TAFA2: variants seen among roughly 807,000 people sequenced by gnomAD.
TAFA2 encodes the protein chemokine-like protein TAFA-2.
Under a neutral mutation model 18.8 loss-of-function variants are expected in TAFA2, and 7 were observed. The ratio of observed to expected loss-of-function variants is 0.37; its 90% CI spans 0.21 to 0.70. The LOEUF is 0.70. TAFA2 is among the 30% of genes least tolerant of loss of function. TAFA2 has a pLI of 0.53. For missense variants in TAFA2, 122 were observed against 158.1 expected (o/e 0.77, Z 1.23); for synonymous variants, 60 against 54.2 (o/e 1.11, Z -0.47).
At chr12:62,256,390 T>A (rs1051221247) in intron 1 of TAFA2, among the ~76,000 whole-genome samples, 20 of 152,202 alleles carry the variant, frequency 1.3e-4, no homozygotes, top group Admixed American at 1.2e-3. Context: ...TTGCTCTAAT[T>A]TTTTTAAATT....
chr12:62,151,647 C>G (rs2062329282), intron 1 of TAFA2, among the ~76,000 whole-genome samples: 3 of 152,128 alleles, frequency 2.0e-5, no homozygotes, highest in Admixed American at 2.0e-4. Flanking sequence ...ATTCTGATTC[C>G]AACTGTAATT....
At chr12:62,099,820 A>G (rs1026796549) in intron 1 of TAFA2, among the ~76,000 whole-genome samples, 9 of 152,282 alleles carry the variant, frequency 5.9e-5, no homozygotes, top group African/African-American at 2.2e-4. Context: ...AGCTCAGAGC[A>G]TAAGTAACTT....
chr12:61,995,905 A>G lies in TAFA2; in HGVS notation c.-1-128479T>C, dbSNP rs543577137. On this transcript the variant is annotated intron_variant, in intron 1 of 4. Coordinates refer to ENST00000416284, the MANE Select transcript of TAFA2 (RefSeq NM_178539.5). Reference sequence around the variant, plus strand: ...AAGCATTTGTATATTCTGTAAATATACAAAAATCATTCAATTGTACATTTG... The same window carrying G: ...AAGCATTTGTATATTCTGTAAATATGCAAAAATCATTCAATTGTACATTTG... Among the ~76,000 whole-genome samples the G allele has an allele frequency of 2.6e-3, 399 of 152,324 alleles. 2 individuals carry two copies. Among genetic ancestry groups the G allele is most frequent in the Non-Finnish European group, 4.6e-3 (313 of 68,030 alleles).
chr12:61,753,117 C>T (rs1201097621), intron 4 of TAFA2, among the ~76,000 whole-genome samples: 1 of 151,678 alleles, frequency 6.6e-6, no homozygotes, highest in African/African-American at 2.4e-5. Flanking sequence ...TTCCTAGTAG[C>T]CCATTACAAT....
intron 1 of TAFA2, among the ~76,000 whole-genome samples, chr12:61,986,317 C>T (rs1879817095): frequency 6.6e-6 from 1 of 151,902 alleles, no homozygotes; most frequent in African/African-American, 2.4e-5. Flanking sequence ...GCATGCACCA[C>T]CACACCCAGC....
At position 61,920,940 on chromosome 12, in the gene TAFA2, C is replaced by A. The variant is rs1351310693; in HGVS notation, c.-1-53514G>T. Reference sequence around the variant, plus strand: ...TAAAGAAGATGAGTGAGTACCCAAGCGAATATTTGGGAAAAAATTCTCCCT... The same window carrying A: ...TAAAGAAGATGAGTGAGTACCCAAGAGAATATTTGGGAAAAAATTCTCCCT... On this transcript the variant is annotated intron_variant, in intron 1 of 4. Transcript: ENST00000416284. Among the ~76,000 whole-genome samples the A allele has an allele frequency of 3.9e-5, 6 of 151,906 alleles. No homozygotes were observed. The East Asian group carries it at 9.7e-4, about 24-fold the overall frequency.
chr12:61,864,544 C>T (rs1327514559), intron 2 of TAFA2, among the ~76,000 whole-genome samples: 5 of 151,164 alleles, frequency 3.3e-5, no homozygotes, highest in Admixed American at 6.6e-5. Context: ...GAGGCCGAGG[C>T]GGGCGGATCA....
rs541315586 is a variant in TAFA2 at position 62,012,438 on chromosome 12, T to C, written c.-1-145012A>G. Among the ~76,000 whole-genome samples the C allele has an allele frequency of 5.9e-5, 9 of 152,180 alleles. No homozygotes were observed. In the South Asian group the frequency reaches 1.5e-3, roughly 25 times the overall value. Reference sequence around the variant, plus strand: ...AAAAAAAAAAAAAAAAGACTGTTGATTTGTTTTAACCTCCGCAGATGCTTT... The same window carrying C: ...AAAAAAAAAAAAAAAAGACTGTTGACTTGTTTTAACCTCCGCAGATGCTTT... On this transcript the variant is annotated intron_variant, in intron 1 of 4. Transcript: ENST00000416284.
At chr12:61,786,106 A>G (rs534831068) in intron 2 of TAFA2, among the ~76,000 whole-genome samples, 49 of 151,720 alleles carry the variant, frequency 3.2e-4, no homozygotes, top group African/African-American at 1.0e-3. Flanking sequence ...TCAAAGGGAA[A>G]GAAACATCCA....
At chr12:62,071,854 C>G (rs918288415) in intron 1 of TAFA2, among the ~76,000 whole-genome samples, 1 of 152,128 alleles carries the variant, frequency 6.6e-6, no homozygotes, top group Non-Finnish European at 1.5e-5. Context: ...AAAAAGCAAA[C>G]TTGTGAGGAT....
At chr12:61,821,804 G>A (rs116645272) in intron 2 of TAFA2, among the ~76,000 whole-genome samples, 330 of 152,170 alleles carry the variant, frequency 2.2e-3, no homozygotes, top group African/African-American at 7.1e-3. Flanking sequence ...CTTAAGAAAT[G>A]AGAATGCTTC....
intron 1 of TAFA2, among the ~76,000 whole-genome samples, chr12:62,148,942 C>G (rs1477663126): frequency 2.6e-5 from 4 of 152,178 alleles, no homozygotes; most frequent in African/African-American, 9.7e-5. Context: ...ATCTAATTGC[C>G]TTTCAAGTTT....
At chr12:62,107,133 A>T (rs1455902398) in intron 1 of TAFA2, among the ~76,000 whole-genome samples, 1 of 152,214 alleles carries the variant, frequency 6.6e-6, no homozygotes, top group Non-Finnish European at 1.5e-5. Flanking sequence ...GTACAACAAA[A>T]ATGCAGGTCA....
chr12:61,955,954 C>A (rs945235703), intron 1 of TAFA2, among the ~76,000 whole-genome samples: 3 of 151,836 alleles, frequency 2.0e-5, no homozygotes, highest in African/African-American at 4.8e-5. Flanking sequence ...ATGGTATGTA[C>A]AAATTTTAAA....
intron 1 of TAFA2, among the ~76,000 whole-genome samples, chr12:62,180,282 A>C (rs1183761883): frequency 5.9e-5 from 9 of 152,216 alleles, no homozygotes; most frequent in African/African-American, 2.2e-4. Context: ...TAGCTCAAAA[A>C]TTAGATTGAG....
Position 62,145,061 on chromosome 12 carries a change from G to T in TAFA2, c.-2+46198C>A, listed in dbSNP as rs575901638. ...AGGTGATGATCATTTAACACCTTAG[G>T]TAGACACCATAACTTCTTATTCAGC... is the stretch of plus-strand genomic sequence containing the variant. On this transcript the variant is annotated intron_variant, in intron 1 of 4. Coordinates refer to ENST00000416284, the MANE Select transcript of TAFA2 (RefSeq NM_178539.5). Among the ~76,000 whole-genome samples the T allele has an allele frequency of 2.0e-5, 3 of 152,270 alleles. No individual in the cohort carries two copies. In the East Asian group the frequency reaches 5.8e-4, roughly 29 times the overall value.
At chr12:61,711,147 T>C (rs1238003576) in intron 4 of TAFA2, among the ~76,000 whole-genome samples, 1 of 151,896 alleles carries the variant, frequency 6.6e-6, no homozygotes, top group Non-Finnish European at 1.5e-5. Flanking sequence ...ACCATTTGTG[T>C]ACAGGAAAAA....
chr12:62,131,939 A>G (rs1870702871), intron 1 of TAFA2, among the ~76,000 whole-genome samples: 1 of 151,932 alleles, frequency 6.6e-6, no homozygotes, highest in Non-Finnish European at 1.5e-5. Context: ...TCACAGCTTC[A>G]TGGCCAGGTC....
At chr12:62,231,203 A>G (rs1339947392) in intron 1 of TAFA2, among the ~76,000 whole-genome samples, 8 of 152,068 alleles carry the variant, frequency 5.3e-5, no homozygotes, top group Non-Finnish European at 1.0e-4. Flanking sequence ...TGTTTGCTTT[A>G]TATATTTGCT....
Sources: gnomAD v4.1 joint callset for allele counts (sites outside exome capture counted in the v4.1 genomes callset) on GRCh38, gnomAD v4.1.1 for gene constraint, MANE v1.5 for transcripts, NCBI Gene and HGNC (gene_info 2026-07-23, HGNC 2026-07-21) for gene names.